Variants in PDHA1 observed in about 807,000 individuals in gnomAD.
PDHA1 encodes the protein pyruvate dehydrogenase E1 subunit alpha 1, also known as pyruvate dehydrogenase E1 component subunit alpha, somatic form, mitochondrial.
PDHA1 carries 1 observed loss-of-function variant against 33.0 expected under a neutral mutation model. The observed-to-expected ratio is 0.03, with a 90% CI of 0.01 to 0.14. The LOEUF (loss-of-function observed/expected upper bound fraction) is 0.14. PDHA1 is among the 10% of genes least tolerant of loss of function. The pLI, the probability that PDHA1 is intolerant of heterozygous loss-of-function variation, is 1.00. For synonymous variants in PDHA1, 123 were observed against 119.2 expected (o/e 1.03, Z -0.21); for missense variants, 168 against 325.1 (o/e 0.52, Z 3.72).
At position 19,361,554 on chromosome X, in the gene PDHA1, G is replaced by C; in HGVS notation, c.*1901G>C. ...CAACCAGTCTATAAGCTCTTTATCT[G>C]TTCTCTGCCCGTAGGGGCCTGCTGG... On this transcript the variant is annotated 3_prime_UTR_variant, in exon 11 of 11. Coordinates refer to ENST00000422285, the MANE Select transcript of PDHA1 (RefSeq NM_000284.4). 2 of 1,211,050 alleles carry C rather than the reference G, an allele frequency of 1.7e-6. No individual in the cohort carries two copies. The highest frequency in any genetic ancestry group is 3.0e-5 in the East Asian group (1 of 33,861).
chrX:19,360,185 AG>A lies in PDHA1; in HGVS notation c.*533del, dbSNP rs1378136436. On this transcript the variant is annotated 3_prime_UTR_variant, in exon 11 of 11. Coordinates refer to ENST00000422285, the MANE Select transcript of PDHA1 (RefSeq NM_000284.4). ...CTTAGTTTTCTCTACTTACACATTC[AG>A]TATAAATATGAAGCTATTTTCTGTT... 7.0e-6 allele frequency: 1 copy of A among 142,429 alleles called. No homozygotes were observed. The highest frequency in any genetic ancestry group is 1.4e-5 in the Non-Finnish European group (1 of 72,570). 11.7% of individuals were successfully genotyped at this position (142,429 alleles called of 1,213,427 possible). A position where few individuals can be genotyped will look rare whatever the true frequency, so the allele number is the denominator to read the frequency against.
chrX:19,358,382 A>ATGAT (rs1354547041), intron 9 of PDHA1, among the ~76,000 whole-genome samples: 4 of 111,868 alleles, frequency 3.6e-5, no homozygotes, highest in Non-Finnish European at 5.6e-5. Flanking sequence ...GTTACTTCAG[A>ATGAT]TGATATAGGC....
chrX:19,354,213 G>A (rs1277842228), intron 5 of PDHA1, among the ~76,000 whole-genome samples: 1 of 112,758 alleles, frequency 8.9e-6, no homozygotes, highest in Non-Finnish European at 1.9e-5. Flanking sequence ...TTACAGGCGT[G>A]AGCCACCACG....
chrX:19,349,285 T>G, intron 1 of PDHA1, 27 bp from the exon 2 acceptor site: 2 of 1,036,361 alleles, frequency 1.9e-6, no homozygotes, highest in Non-Finnish European at 2.7e-6. Context: ...AAAGTACTGA[T>G]TTGTTTGTAT....
In PDHA1 at chrX:19,344,107, G is replaced by C; in HGVS notation, c.57+13G>C. On this transcript the variant is annotated intron_variant, in intron 1 of 10. Coordinates refer to ENST00000422285, the MANE Select transcript of PDHA1 (RefSeq NM_000284.4). ...TTCTCAGAAGCCGGTGAGACCTCCC[G>C]GGCGGGCCGGGATGGGGCGCGAGTG... 8.4e-7 allele frequency: 1 copy of C among 1,192,312 alleles called. No homozygotes were observed. The highest frequency in any genetic ancestry group is 1.7e-5 in the African/African-American group (1 of 57,686).
chrX:19,359,852 A>ATTAT lies in PDHA1; in HGVS notation c.*202_*205dup. 6.4e-6 allele frequency: 3 copies of ATTAT among 467,549 alleles called. No homozygotes were observed. Among genetic ancestry groups the ATTAT allele is most frequent in the Non-Finnish European group, 1.1e-5 (3 of 263,658 alleles). The allele number at this position is 467,549 out of a possible 1,213,427, so 38.5% of individuals were successfully genotyped here. Reference sequence around the variant, plus strand: ...AAGATGAATTATTGAGTGCTTAAAGATTATTTTTGACTTAAAATAGTATAC... The same window carrying ATTAT: ...AAGATGAATTATTGAGTGCTTAAAGATTATTTATTTTTGACTTAAAATAGTATAC... On this transcript the variant is annotated 3_prime_UTR_variant, in exon 11 of 11. Coordinates refer to ENST00000422285, the MANE Select transcript of PDHA1 (RefSeq NM_000284.4).
At chrX:19,357,613 C>T (rs746759223) in intron 8 of PDHA1, 39 bp from the exon 9 acceptor site, 17 of 1,122,275 alleles carry the variant, frequency 1.5e-5, no homozygotes, top group South Asian at 1.1e-4. Flanking sequence ...TTCCAGTCAT[C>T]GTTCCTAACT....
rs1392198162 is a variant in PDHA1 at position 19,359,805 on chromosome X, A to G, written c.*152A>G. 1 of 525,593 alleles carries G rather than the reference A, an allele frequency of 1.9e-6. No homozygotes were observed. The highest frequency in any genetic ancestry group is 2.7e-5 in the Admixed American group (1 of 37,647). 43.3% of individuals were successfully genotyped at this position (525,593 alleles called of 1,213,427 possible). A position where few individuals can be genotyped will look rare whatever the true frequency, so the allele number is the denominator to read the frequency against. ...GATTGAGCAGGTAGTAATTGCATGC[A>G]GTTTGTACATTAGTGCATTAAAAGA... On this transcript the variant is annotated 3_prime_UTR_variant, in exon 11 of 11. Coordinates refer to ENST00000422285, the MANE Select transcript of PDHA1 (RefSeq NM_000284.4).
In PDHA1 at chrX:19,361,713, C is replaced by T; in HGVS notation, c.*2060C>T. ...TGATGTGAAAAAGAGATGAATTAAC[C>T]CTGTATCACTGAACCACGCTAATAC... On this transcript the variant is annotated 3_prime_UTR_variant, in exon 11 of 11. Transcript: ENST00000422285. 2.0e-6 allele frequency: 1 copy of T among 498,925 alleles called. No individual in the cohort carries two copies. Among genetic ancestry groups the T allele is most frequent in the Non-Finnish European group, 3.4e-6 (1 of 297,233 alleles). The allele number at this position is 498,925 out of a possible 1,213,427, so 41.1% of individuals were successfully genotyped here. A position where few individuals can be genotyped will look rare whatever the true frequency, so the allele number is the denominator to read the frequency against.
intron 5 of PDHA1, 137 bp downstream of exon 5, chrX:19,353,310 A>G: frequency 1.8e-6 from 1 of 548,300 alleles, no homozygotes; most frequent in Non-Finnish European, 3.3e-6. Context: ...TCAATGTCGC[A>G]TATATGATGT....
In PDHA1 at chrX:19,351,415, G is replaced by C. The variant is rs779583146; in HGVS notation, c.418+8G>C. 8.3e-7 allele frequency: 1 copy of C among 1,198,004 alleles called. No homozygotes were observed. Among genetic ancestry groups the C allele is most frequent in the Non-Finnish European group, 1.1e-6 (1 of 884,914 alleles). On this transcript the variant is annotated splice_region_variant and intron_variant, in intron 4 of 10. Coordinates refer to ENST00000422285, the MANE Select transcript of PDHA1 (RefSeq NM_000284.4). ...TTCTCGCAGAGCTTACAGGTTTGCT[G>C]TTGATTTACAGAAAGGGGAAATGAG...
chrX:19,352,203 G>A (rs1243533253), intron 4 of PDHA1, among the ~76,000 whole-genome samples: 5 of 106,904 alleles, frequency 4.7e-5, no homozygotes, highest in Non-Finnish European at 9.6e-5. Context: ...GTGAGCCACT[G>A]TGCCCGGTCC....
intron 8 of PDHA1, 84 bp downstream of exon 8, chrX:19,355,841 A>G: frequency 1.6e-5 from 11 of 691,691 alleles, no homozygotes; most frequent in Middle Eastern, 7.6e-4. Context: ...TGAAGCTGTT[A>G]GTGGGTACCT....
intron 2 of PDHA1, 60 bp from the exon 3 acceptor site, chrX:19,349,877 T>C: frequency 3.2e-6 from 3 of 925,691 alleles, no homozygotes; most frequent in Non-Finnish European, 4.7e-6. Flanking sequence ...GATCTTAGAG[T>C]GGTCAACAGT....
chrX:19,346,747 GTTC>G (rs2063136900), intron 1 of PDHA1: 4 of 428,843 alleles, frequency 9.3e-6, no homozygotes, highest in East Asian at 9.3e-5. Context: ...AGTTTTCATA[GTTC>G]TTATTTCATG....
rs1390655047 is a variant in PDHA1 at position 19,353,101 on chromosome X, T to C, written c.438T>C (p.Ala146=). Residue 146 remains alanine (A), a synonymous_variant, in exon 5 of 11, where the codon GCT becomes GCC. Transcript: ENST00000422285. ...AELTGRKGGC[A]KGKGGSMHMY... ...TTCCAGGACGAAAAGGAGGTTGTGCTAAAGGGAAAGGAGGATCGATGCACA... is the reference window on the plus strand; with the variant it reads ...TTCCAGGACGAAAAGGAGGTTGTGCCAAAGGGAAAGGAGGATCGATGCACA... 8.3e-7 allele frequency: 1 copy of C among 1,209,802 alleles called. No homozygotes were observed. The highest frequency in any genetic ancestry group is 1.1e-6 in the Non-Finnish European group (1 of 893,684).
At chrX:19,344,700 C>T (rs1602220314) in intron 1 of PDHA1, among the ~76,000 whole-genome samples, 1 of 106,880 alleles carries the variant, frequency 9.4e-6, no homozygotes, top group South Asian at 4.0e-4. Flanking sequence ...AGAGTCCCCA[C>T]CTCTTGGGGT....
chrX:19,350,313 G>A (rs992682399), intron 3 of PDHA1, among the ~76,000 whole-genome samples: 3 of 111,881 alleles, frequency 2.7e-5, no homozygotes, highest in Non-Finnish European at 5.6e-5. Context: ...TGCAGCCTCT[G>A]GTTAGAGTAC....
rs1029792526 is a variant in PDHA1 at position 19,355,563 on chromosome X, C to T, written c.759+59C>T. 15 of 1,169,456 alleles carry T rather than the reference C, an allele frequency of 1.3e-5. No homozygotes were observed. In the African/African-American group the frequency reaches 2.7e-4, roughly 21 times the overall value. On this transcript the variant is annotated intron_variant, in intron 7 of 10. Coordinates refer to ENST00000422285, the MANE Select transcript of PDHA1 (RefSeq NM_000284.4). ...CCAAGGCCAAGGGTATGTCCTTGTG[C>T]AGACCCTTGACGATCTTAGAAACAT...
Sources: allele counts gnomAD v4.1 joint callset (sites outside exome capture counted in the v4.1 genomes callset), GRCh38; gene constraint gnomAD v4.1.1; transcripts MANE v1.5; gene names NCBI Gene and HGNC (gene_info 2026-07-23, HGNC 2026-07-21).